Variants in CSMD2 observed in about 807,000 individuals in gnomAD.
CSMD2 encodes the protein CUB and sushi domain-containing protein 2.
In CSMD2, 130 loss-of-function variants were observed where a neutral mutation model predicts 398.5. The ratio of observed to expected loss-of-function variants is 0.33; its 90% confidence interval spans 0.28 to 0.38. CSMD2 has a LOEUF of 0.38. Ranked by LOEUF, CSMD2 falls within the 10% of genes least tolerant of loss-of-function variation. The probability of loss-of-function intolerance (pLI) is 1.00; values close to 1 mark genes in which losing one functional copy is unlikely to be tolerated. For synonymous variants in CSMD2, 1,828 were observed against 1,908.5 expected (o/e 0.96, Z 1.10); for missense variants, 3,829 against 4,764.9 (o/e 0.80, Z 5.78).
chr1:33,724,586 T>C lies in CSMD2; in HGVS notation c.2814A>G (p.Thr938=). 6.2e-7 allele frequency: 1 copy of C among 1,614,212 alleles called. No homozygotes were observed. Among genetic ancestry groups the C allele is most frequent in the Non-Finnish European group, 8.5e-7 (1 of 1,180,042 alleles). The part of the protein sequence containing the change: ...LVTFSCDSGY[T]LSDGEPLECE... ...ACTCCAGAGGCTCCCCGTCACTTAA[T>C]GTGTAGCCCGAGTCACAGCTGAAGG... Residue 938 remains threonine (T), a synonymous_variant, in exon 18 of 71, where the codon ACA becomes ACG. Transcript: ENST00000373381.
At chr1:33,967,940 C>T (rs929500426) in intron 3 of CSMD2, among the ~76,000 whole-genome samples, 10 of 152,170 alleles carry the variant, frequency 6.6e-5, no homozygotes, top group African/African-American at 2.2e-4. Context: ...GCAAGGCGGT[C>T]AGAAACCACA....
At chr1:33,833,574 C>T (rs1368873871) in intron 6 of CSMD2, among the ~76,000 whole-genome samples, 1 of 146,664 alleles carries the variant, frequency 6.8e-6, no homozygotes, top group Non-Finnish European at 1.5e-5. Flanking sequence ...TGGAAGCATT[C>T]CCTTTGAAAA....
intron 47 of CSMD2, among the ~76,000 whole-genome samples, chr1:33,581,354 TAAAAAAAAAAA>T (rs35599517): frequency 7.1e-5 from 6 of 84,218 alleles, no homozygotes; most frequent in Admixed American, 3.0e-4. Context: ...CCATCTTTAC[TAAAAAAAAAAA>T]AAAAAAAAAA....
intron 5 of CSMD2, among the ~76,000 whole-genome samples, chr1:33,910,134 T>C (rs1221395071): frequency 2.0e-5 from 3 of 152,214 alleles, no homozygotes; most frequent in Non-Finnish European, 4.4e-5. Context: ...CCTTCCTGTT[T>C]AACCCACTTA....
intron 1 of CSMD2, among the ~76,000 whole-genome samples, chr1:34,100,809 G>A (rs1018528423): frequency 5.3e-5 from 8 of 152,128 alleles, no homozygotes; most frequent in Non-Finnish European, 5.9e-5. Flanking sequence ...ATAGGATGCT[G>A]GTCAATGCAG....
At chr1:33,953,634 C>T (rs1645074536) in intron 3 of CSMD2, among the ~76,000 whole-genome samples, 1 of 152,150 alleles carries the variant, frequency 6.6e-6, no homozygotes, top group Non-Finnish European at 1.5e-5. Flanking sequence ...AGATAAAACA[C>T]ATGGACCCTC....
chr1:34,091,208 C>A (rs979714178), intron 1 of CSMD2, among the ~76,000 whole-genome samples: 1 of 152,192 alleles, frequency 6.6e-6, no homozygotes, highest in African/African-American at 2.4e-5. Context: ...AGAGCAGACA[C>A]CACATGTGAG....
At position 33,635,759 on chromosome 1, in the gene CSMD2, G is replaced by A. The variant is rs551481866; in HGVS notation, c.4970-429C>T. 3.9e-5 allele frequency among the ~76,000 whole-genome samples: 6 copies of A among 152,274 alleles called. No individual in the cohort carries two copies. The East Asian group carries it at 5.8e-4, about 15-fold the overall frequency. On this transcript the variant is annotated intron_variant, in intron 30 of 70. Transcript: ENST00000373381. The surrounding 1 kb of genome is among the most constrained non-coding windows in gnomAD (Gnocchi z 5.0). ...AGCTTCCCCGGACTAACCCCATGGG[G>A]AGTGGCCAGCCCATGTGACCCAGCC... is the stretch of plus-strand genomic sequence containing the variant.
chr1:34,064,882 A>G (rs1324463303), intron 2 of CSMD2, among the ~76,000 whole-genome samples: 2 of 152,198 alleles, frequency 1.3e-5, no homozygotes, highest in African/African-American at 4.8e-5. Context: ...CACTTCTTAC[A>G]TGGTGGCAAC....
intron 5 of CSMD2, among the ~76,000 whole-genome samples, chr1:33,883,720 A>G (rs972988723): frequency 1.3e-5 from 2 of 152,348 alleles, no homozygotes; most frequent in East Asian, 1.9e-4. Flanking sequence ...TCAAAGACCC[A>G]TATGATCCCT....
intron 62 of CSMD2, among the ~76,000 whole-genome samples, chr1:33,534,814 C>G (rs1430747816): frequency 6.6e-6 from 1 of 152,166 alleles, no homozygotes; most frequent in Non-Finnish European, 1.5e-5. Context: ...AACCTCAAGT[C>G]ATCTTTGATC....
intron 3 of CSMD2, among the ~76,000 whole-genome samples, chr1:34,005,891 G>A (rs1647039157): frequency 6.6e-6 from 1 of 152,174 alleles, no homozygotes; most frequent in African/African-American, 2.4e-5. Flanking sequence ...CCAGCAATAT[G>A]CTCTGTGATG....
At chr1:34,097,037 C>T (rs1238152481) in intron 1 of CSMD2, among the ~76,000 whole-genome samples, 46 of 134,522 alleles carry the variant, frequency 3.4e-4, no homozygotes, top group East Asian at 1.2e-3. Flanking sequence ...GTAACCAAAA[C>T]AGCATGGTAC....
chr1:33,820,882 C>T (rs1156956511), intron 7 of CSMD2, among the ~76,000 whole-genome samples: 1 of 152,146 alleles, frequency 6.6e-6, no homozygotes, highest in Non-Finnish European at 1.5e-5. Context: ...TCCACAGCCC[C>T]TGGTGACCTC....
chr1:33,539,444 G>A (rs1656126913), intron 60 of CSMD2, among the ~76,000 whole-genome samples: 1 of 152,206 alleles, frequency 6.6e-6, no homozygotes, highest in African/African-American at 2.4e-5. Context: ...AAGAAAGGTA[G>A]AAAGGTATTG....
chr1:33,909,204 A>T (rs1243858075), intron 5 of CSMD2, among the ~76,000 whole-genome samples: 1 of 152,192 alleles, frequency 6.6e-6, no homozygotes, highest in Admixed American at 6.5e-5. Flanking sequence ...GACAGGTACC[A>T]GGCCTATGCT....
intron 2 of CSMD2, among the ~76,000 whole-genome samples, chr1:34,070,638 G>A (rs186338126): frequency 2.0e-5 from 3 of 152,284 alleles, no homozygotes; most frequent in East Asian, 3.9e-4. Context: ...GGAGCTTTGC[G>A]GTAGTGGATA....
intron 3 of CSMD2, among the ~76,000 whole-genome samples, chr1:33,963,562 C>T (rs998036887): frequency 6.6e-6 from 1 of 152,018 alleles, no homozygotes; most frequent in Admixed American, 6.6e-5. Context: ...GTCCCTTTCT[C>T]CTCTCCTCTC....
Position 33,782,363 on chromosome 1 carries a change from T to C in CSMD2, c.1663+6237A>G, listed in dbSNP as rs1198693166. ...GCAGAGAAGGGAGTAAGCTTCCAAC[T>C]GAGCATTTACTAAATGTCAGGCCCT... is the stretch of plus-strand genomic sequence containing the variant. On this transcript the variant is annotated intron_variant, in intron 12 of 70. Coordinates refer to ENST00000373381, the MANE Select transcript of CSMD2 (RefSeq NM_001281956.2). Among the ~76,000 whole-genome samples the C allele has an allele frequency of 5.3e-5, 8 of 152,200 alleles. No individual in the cohort carries two copies. The East Asian group carries it at 1.3e-3, about 26-fold the overall frequency.
Sources: gnomAD v4.1 joint callset for allele counts (sites outside exome capture counted in the v4.1 genomes callset) on GRCh38, gnomAD v4.1.1 for gene constraint, Gnocchi (gnomAD v3.1) non-coding constraint, MANE v1.5 for transcripts, NCBI Gene and HGNC (gene_info 2026-07-23, HGNC 2026-07-21) for gene names.